Variants in SLC24A2 observed in about 807,000 individuals in gnomAD.
SLC24A2 encodes sodium/potassium/calcium exchanger 2.
A neutral mutation model predicts 62.0 loss-of-function variants in SLC24A2; 36 were observed. The observed-to-expected ratio is 0.58, with a 90% confidence interval of 0.44 to 0.77. SLC24A2 has a LOEUF of 0.77. Among genes scored for constraint, SLC24A2 ranks in the 30% least tolerant of loss-of-function variants. The pLI is 0.00. For synonymous variants in SLC24A2, 358 were observed against 294.0 expected, an observed-to-expected ratio of 1.22 and a Z score of -2.23; for missense variants, 846 against 817.9, an observed-to-expected ratio of 1.03 and a Z score of -0.42.
At chr9:20,149,779 C>T in the SLC24A2 span, among the ~76,000 whole-genome samples, 10 of 152,132 alleles carry the variant, frequency 6.6e-5, no homozygotes, top group East Asian at 7.8e-4. Flanking sequence ...ATTTGGCCCA[C>T]GGGCTAGTTT....
the SLC24A2 span, among the ~76,000 whole-genome samples, chr9:19,964,023 G>A: frequency 6.6e-6 from 1 of 151,938 alleles, no homozygotes; most frequent in African/African-American, 2.4e-5. Context: ...TATACACCAT[G>A]GAATACTATG....
In SLC24A2 at chr9:19,514,060, C is replaced by T. The variant is rs1463033591; in HGVS notation, c.*2093G>A. On this transcript the variant is annotated 3_prime_UTR_variant, in exon 11 of 11. Coordinates refer to ENST00000341998, the MANE Select transcript of SLC24A2 (RefSeq NM_020344.4). ...TTGGAGAGACTTGAAAGCCAGCCTC[C>T]GACTGGCAGCCATCTTGATTTCTTG... The T allele has an allele frequency of 3.3e-5, 5 of 152,196 alleles. No individual in the cohort carries two copies. Among genetic ancestry groups the T allele is most frequent in the South Asian group, 2.1e-4 (1 of 4,822 alleles). 9.4% of individuals were successfully genotyped at this position (152,196 alleles called of 1,614,324 possible). A position where few individuals can be genotyped will look rare whatever the true frequency, so the allele number is the denominator to read the frequency against.
chr9:20,201,258 G>A, the SLC24A2 span, among the ~76,000 whole-genome samples: 1 of 152,208 alleles, frequency 6.6e-6, no homozygotes, highest in Non-Finnish European at 1.5e-5. Context: ...CACTGCATTT[G>A]TCATCTTCAG....
chr9:19,539,686 T>C (rs1834163554), intron 8 of SLC24A2, among the ~76,000 whole-genome samples: 1 of 50,864 alleles, frequency 2.0e-5, no homozygotes, highest in Non-Finnish European at 3.8e-5. Flanking sequence ...ATTCTGTTGA[T>C]TTGGGGTGGA....
chr9:19,599,525 A>G lies in SLC24A2; in HGVS notation c.1079-2246T>C, dbSNP rs1836789652. 1.3e-5 allele frequency among the ~76,000 whole-genome samples: 2 copies of G among 152,180 alleles called. No individual in the cohort carries two copies. Among genetic ancestry groups the G allele is most frequent in the Admixed American group, 6.5e-5 (1 of 15,282 alleles). The stretch of plus-strand genomic sequence containing the variant: ...ACAGTTTACTGAAGAAAAGTCAGAA[A>G]AGAATGGAGATGGAAACCAGCCTGC... On this transcript the variant is annotated intron_variant, in intron 4 of 10. Coordinates refer to ENST00000341998, the MANE Select transcript of SLC24A2 (RefSeq NM_020344.4). This position sits in a 1 kb window ranked among gnomAD's most constrained non-coding sequence, Gnocchi z 4.5.
chr9:20,035,478 G>A, the SLC24A2 span, among the ~76,000 whole-genome samples: 1 of 152,176 alleles, frequency 6.6e-6, no homozygotes, highest in Non-Finnish European at 1.5e-5. Context: ...AACAGGCTGT[G>A]CATGGTGGCT....
chr9:19,750,824 C>T (rs1332157991), intron 2 of SLC24A2, among the ~76,000 whole-genome samples: 1 of 152,146 alleles, frequency 6.6e-6, no homozygotes, highest in African/African-American at 2.4e-5. Flanking sequence ...CAGGTGTCTG[C>T]CATCTGATGC....
At chr9:20,276,554 T>C in the SLC24A2 span, among the ~76,000 whole-genome samples, 1 of 152,274 alleles carries the variant, frequency 6.6e-6, no homozygotes, top group Middle Eastern at 3.4e-3. Context: ...GGATCTACCA[T>C]TCTGGGGTCT....
chr9:19,830,121 G>A, the SLC24A2 span, among the ~76,000 whole-genome samples: 1 of 152,060 alleles, frequency 6.6e-6, no homozygotes, highest in Non-Finnish European at 1.5e-5. Flanking sequence ...AGAGTTCCAA[G>A]TTATCTCTCC....
chr9:19,548,417 T>C (rs575121530), intron 8 of SLC24A2, among the ~76,000 whole-genome samples: 1 of 152,322 alleles, frequency 6.6e-6, no homozygotes, highest in East Asian at 1.9e-4. Flanking sequence ...CTAAGTTTCT[T>C]TCTACTTATG....
the SLC24A2 span, among the ~76,000 whole-genome samples, chr9:20,187,697 C>A: frequency 6.6e-6 from 1 of 152,230 alleles, no homozygotes; most frequent in African/African-American, 2.4e-5. Context: ...ATTCCCTCTC[C>A]TTCTCCCATT....
chr9:20,246,772 T>C, the SLC24A2 span, among the ~76,000 whole-genome samples: 1 of 152,218 alleles, frequency 6.6e-6, no homozygotes, highest in Non-Finnish European at 1.5e-5. Flanking sequence ...TCTGCCTGTA[T>C]AGCTAGGCAC....
the SLC24A2 span, among the ~76,000 whole-genome samples, chr9:19,967,029 CATTT>C: frequency 2.0e-5 from 3 of 152,014 alleles, no homozygotes; most frequent in African/African-American, 2.4e-5. Flanking sequence ...AGCACATACA[CATTT>C]ATTTGAATTT....
chr9:19,636,319 CTTTCTTTCTTT>C lies in SLC24A2; in HGVS notation c.931-14031_931-14021del, dbSNP rs1301104808. Among the ~76,000 whole-genome samples the C allele has an allele frequency of 4.6e-3, 200 of 43,450 alleles. 17 individuals are homozygous for C. Among genetic ancestry groups the C allele is most frequent in the East Asian group, 5.1e-3 (10 of 1,978 alleles). 28.5% of individuals were successfully genotyped at this position (43,450 alleles called of 152,430 possible). A position where few individuals can be genotyped will look rare whatever the true frequency, so the allele number is the denominator to read the frequency against. On this transcript the variant is annotated intron_variant, in intron 2 of 10. Coordinates refer to ENST00000341998, the MANE Select transcript of SLC24A2 (RefSeq NM_020344.4). ...CTTTTCTTTTCTTTTCTTTTCTTTT[CTTTCTTTCTTT>C]CTTTCTTTCTTTCTTTCTTTCTTTC...
In SLC24A2 at chr9:19,587,707, T is replaced by C. The variant is rs139020954; in HGVS notation, c.1129+9522A>G. ...TGAGGGGAATCATATTATTAATTTA[T>C]AATAACAGATTCAAGTTTGACTGAC... On this transcript the variant is annotated intron_variant, in intron 5 of 10. Transcript: ENST00000341998. Among the ~76,000 whole-genome samples, 431 of 152,212 alleles carry C rather than the reference T, an allele frequency of 2.8e-3. 4 individuals are homozygous for C. The highest frequency in any genetic ancestry group is 0.01 in the African/African-American group (418 of 41,522).
the SLC24A2 span, among the ~76,000 whole-genome samples, chr9:19,900,474 T>G: frequency 6.6e-6 from 1 of 152,204 alleles, no homozygotes; most frequent in South Asian, 2.1e-4. Flanking sequence ...CTTGGGGAGT[T>G]GATTTTGGCA....
the SLC24A2 span, among the ~76,000 whole-genome samples, chr9:19,977,511 G>A: frequency 6.6e-6 from 1 of 152,072 alleles, no homozygotes; most frequent in Non-Finnish European, 1.5e-5. Context: ...GGTCAGAAGG[G>A]GATGATGAAG....
intron 2 of SLC24A2, among the ~76,000 whole-genome samples, chr9:19,760,851 G>A (rs1822300356): frequency 7.0e-6 from 1 of 143,746 alleles, no homozygotes; most frequent in South Asian, 2.2e-4. Context: ...CTCATAGGTG[G>A]AAATTGAACA....
the SLC24A2 span, among the ~76,000 whole-genome samples, chr9:19,907,837 T>A: frequency 2.0e-5 from 3 of 151,468 alleles, no homozygotes; most frequent in Non-Finnish European, 2.9e-5. Context: ...ATAAAAGAGG[T>A]TACAAACAAA....
Sources: allele counts gnomAD v4.1 joint callset (sites outside exome capture counted in the v4.1 genomes callset), GRCh38; gene constraint gnomAD v4.1.1; non-coding constraint Gnocchi (gnomAD v3.1); transcripts MANE v1.5; gene names NCBI Gene and HGNC (gene_info 2026-07-23, HGNC 2026-07-21).